The following LTBP1 variants were observed in gnomAD, a reference collection of about 807,000 sequenced individuals.
The protein encoded by LTBP1 is latent-transforming growth factor beta-binding protein 1.
LTBP1 carries 129 observed loss-of-function variants against 207.6 expected under a neutral mutation model. The observed-to-expected ratio is 0.62, with a 90% CI of 0.54 to 0.72. The LOEUF (loss-of-function observed/expected upper bound fraction) is 0.72. Ranked by LOEUF, LTBP1 falls within the 30% of genes least tolerant of loss-of-function variation. The pLI is 0.00. For missense variants in LTBP1, 2,281 were observed against 2,217.2 expected (o/e 1.03, Z -0.58); for synonymous variants, 963 against 833.7 (o/e 1.16, Z -2.67).
intron 2 of LTBP1, among the ~76,000 whole-genome samples, chr2:32,983,388 T>C (rs1683061362): frequency 6.6e-6 from 1 of 152,214 alleles, no homozygotes; most frequent in Non-Finnish European, 1.5e-5. Context: ...GGACTTGCCT[T>C]GTCTCAGATG....
chr2:32,947,704 C>T lies in LTBP1; in HGVS notation c.380C>T (p.Ala127Val). The stretch of plus-strand genomic sequence containing the variant: ...CACCCCAATCCCGGCGGCCACCCGG[C>T]AGCCGCCCCGTTCACCAAACAAGGC... ...QLHPNPGGHP[A>V]AAPFTKQGRQ... The change falls in exon 1 of 34, where the codon GCA becomes GTA. Residue 127 changes from alanine to valine, a missense_variant. Transcript: ENST00000404816. 1 of 1,524,290 alleles carries T rather than the reference C, an allele frequency of 6.6e-7. No individual in the cohort carries two copies. Among genetic ancestry groups the T allele is most frequent in the Non-Finnish European group, 8.8e-7 (1 of 1,136,556 alleles). 94.4% of individuals were successfully genotyped at this position (1,524,290 alleles called of 1,614,324 possible). A position where few individuals can be genotyped will look rare whatever the true frequency, so the allele number is the denominator to read the frequency against.
intron 9 of LTBP1, among the ~76,000 whole-genome samples, chr2:33,240,883 T>A (rs985921453): frequency 6.6e-6 from 1 of 151,936 alleles, no homozygotes; most frequent in Non-Finnish European, 1.5e-5. Flanking sequence ...ATCTCCTGAC[T>A]TCGTGATCTG....
chr2:33,249,749 G>A (rs1332062156), intron 10 of LTBP1, among the ~76,000 whole-genome samples: 3 of 152,112 alleles, frequency 2.0e-5, no homozygotes, highest in East Asian at 1.9e-4. Context: ...TCTTTTTGCC[G>A]TAATTTTAGT....
At chr2:33,252,991 C>T in intron 11 of LTBP1, 147 bp downstream of exon 11, 1 of 597,844 alleles carries the variant, frequency 1.7e-6, no homozygotes, top group Non-Finnish European at 2.6e-6. Context: ...AGAAACTGTA[C>T]ACATACAATG....
intron 2 of LTBP1, among the ~76,000 whole-genome samples, chr2:33,000,021 C>G (rs1399012907): frequency 7.5e-6 from 1 of 134,104 alleles, no homozygotes; most frequent in Non-Finnish European, 1.6e-5. Context: ...CTCCAGAGAG[C>G]CAGTATCAGT....
intron 26 of LTBP1, 41 bp from the exon 27 acceptor site, chr2:33,360,556 G>C (rs770886428): frequency 7.4e-7 from 1 of 1,352,878 alleles, no homozygotes; most frequent in Non-Finnish European, 1.1e-6. Context: ...AGGTAGTTCT[G>C]ATGTGTCCTA....
chr2:33,341,729 A>AAAAATATATATATATATATAT (rs745445793), intron 24 of LTBP1, among the ~76,000 whole-genome samples: 7 of 93,622 alleles, frequency 7.5e-5, no homozygotes, highest in East Asian at 6.6e-4. Flanking sequence ...AAAAAAAAAA[A>AAAAATATATATATATATATAT]ATATATATAT....
intron 2 of LTBP1, among the ~76,000 whole-genome samples, chr2:32,986,291 C>T (rs184185918): frequency 2.0e-5 from 3 of 152,108 alleles, no homozygotes; most frequent in East Asian, 1.9e-4. Flanking sequence ...CAGAGGCAGC[C>T]GGGGCTGAGG....
At chr2:32,960,253 C>T (rs1159407597) in intron 2 of LTBP1, among the ~76,000 whole-genome samples, 1 of 152,152 alleles carries the variant, frequency 6.6e-6, no homozygotes, top group African/African-American at 2.4e-5. Flanking sequence ...TACACATCCT[C>T]TTTGCTCTGA....
intron 5 of LTBP1, among the ~76,000 whole-genome samples, chr2:33,171,792 G>A (rs564758411): frequency 6.1e-4 from 93 of 152,184 alleles, no homozygotes; most frequent in African/African-American, 2.0e-3. Context: ...AAGCCCATCA[G>A]ACTAACAGCG....
At chr2:32,965,404 T>C (rs1293686959) in intron 2 of LTBP1, among the ~76,000 whole-genome samples, 1 of 152,156 alleles carries the variant, frequency 6.6e-6, no homozygotes, top group East Asian at 1.9e-4. Context: ...TTTTGGCAAA[T>C]ATATAATAAC....
chr2:33,223,804 G>A (rs1256779111), intron 9 of LTBP1, among the ~76,000 whole-genome samples: 1 of 152,124 alleles, frequency 6.6e-6, no homozygotes, highest in Non-Finnish European at 1.5e-5. Flanking sequence ...CCAAGTTTGT[G>A]AAGGACCTAG....
rs1025420301 is a variant in LTBP1 at position 33,270,446 on chromosome 2, C to T, written c.2618-3210C>T. On this transcript the variant is annotated intron_variant, in intron 15 of 33. Coordinates refer to ENST00000404816, the MANE Select transcript of LTBP1 (RefSeq NM_206943.4). ...CTACTAAAAATACAAAAAAATTAGC[C>T]GGGCGTGGTGGCGGGTGCCTGTAGT... 3.3e-5 allele frequency among the ~76,000 whole-genome samples: 5 copies of T among 151,498 alleles called. No homozygotes were observed. The East Asian group carries it at 5.9e-4, about 18-fold the overall frequency.
At chr2:33,003,153 T>C (rs1175193222) in intron 2 of LTBP1, among the ~76,000 whole-genome samples, 2 of 152,256 alleles carry the variant, frequency 1.3e-5, no homozygotes, top group African/African-American at 4.8e-5. Flanking sequence ...TCGAATGTGC[T>C]TGAATGACGA....
At chr2:33,214,299 C>T (rs2090525827) in intron 7 of LTBP1, among the ~76,000 whole-genome samples, 1 of 152,074 alleles carries the variant, frequency 6.6e-6, no homozygotes, top group African/African-American at 2.4e-5. Context: ...TCCCTTCAGT[C>T]CTTCATATTT....
chr2:33,270,907 A>T (rs2093306612), intron 15 of LTBP1, among the ~76,000 whole-genome samples: 1 of 152,036 alleles, frequency 6.6e-6, no homozygotes. Flanking sequence ...TCAAATTCCA[A>T]CCTCCTAGCT....
rs1207578400 is a variant in LTBP1 at position 32,947,041 on chromosome 2, A to C, written c.-284A>C. Reference sequence around the variant, plus strand: ...CTGCAACCCCCGGCCGGACGCGCGGACCCTCACCTTGCGCGGCCCGCTCCC... The same window carrying C: ...CTGCAACCCCCGGCCGGACGCGCGGCCCCTCACCTTGCGCGGCCCGCTCCC... On this transcript the variant is annotated 5_prime_UTR_variant, in exon 1 of 34. Transcript: ENST00000404816. 5.1e-5 allele frequency: 13 copies of C among 256,066 alleles called. No homozygotes were observed. Among genetic ancestry groups the C allele is most frequent in the Non-Finnish European group, 8.8e-5 (12 of 135,868 alleles). 15.9% of individuals were successfully genotyped at this position (256,066 alleles called of 1,614,324 possible). A position where few individuals can be genotyped will look rare whatever the true frequency, so the allele number is the denominator to read the frequency against.
chr2:33,291,245 A>G (rs2093769566), intron 19 of LTBP1, among the ~76,000 whole-genome samples: 1 of 152,236 alleles, frequency 6.6e-6, no homozygotes, highest in African/African-American at 2.4e-5. Flanking sequence ...TATCTCCTAA[A>G]TGGTAATCTG....
intron 3 of LTBP1, among the ~76,000 whole-genome samples, chr2:33,075,428 T>G (rs1269857194): frequency 3.9e-5 from 6 of 152,228 alleles, no homozygotes; most frequent in African/African-American, 1.2e-4. Flanking sequence ...AAACTTCAAA[T>G]TTTGAAATAC....
Sources: allele counts gnomAD v4.1 joint callset (sites outside exome capture counted in the v4.1 genomes callset), GRCh38; gene constraint gnomAD v4.1.1; transcripts MANE v1.5; gene names NCBI Gene and HGNC (gene_info 2026-07-23, HGNC 2026-07-21).